DST: variants seen among roughly 807,000 people sequenced by gnomAD.
The protein encoded by DST is dystonin, also known as bullous pemphigoid antigen.
DST carries 253 observed loss-of-function variants against 875.2 expected under a neutral mutation model. The observed-to-expected ratio is 0.29, with a 90% CI of 0.26 to 0.32. The LOEUF is 0.32. Among genes scored for constraint, DST ranks in the 10% least tolerant of loss-of-function variants. The pLI is 1.00. For missense variants in DST, 8,287 were observed against 9,111.6 expected, an observed-to-expected ratio of 0.91 and a Z score of 3.68; for synonymous variants, 3,124 against 3,197.1, an observed-to-expected ratio of 0.98 and a Z score of 0.77.
At chr6:56,550,673 G>T (rs1445822099) in intron 61 of DST, among the ~76,000 whole-genome samples, 1 of 152,112 alleles carries the variant, frequency 6.6e-6, no homozygotes, top group Non-Finnish European at 1.5e-5. Context: ...AGAAATGAAG[G>T]TCTTTTTTCT....
chr6:56,503,918 T>C, intron 78 of DST, 79 bp downstream of exon 78: 2 of 980,188 alleles, frequency 2.0e-6, no homozygotes, highest in Non-Finnish European at 1.5e-6. Flanking sequence ...TTAGGTAAAA[T>C]AAATTTATGT....
chr6:56,749,533 T>G (rs1433080337), intron 4 of DST, among the ~76,000 whole-genome samples: 2 of 152,158 alleles, frequency 1.3e-5, no homozygotes, highest in Non-Finnish European at 2.9e-5. Flanking sequence ...ATACACGGCC[T>G]AATATTCATA....
chr6:56,862,205 C>T (rs1031811961), intron 3 of DST, among the ~76,000 whole-genome samples: 2 of 152,172 alleles, frequency 1.3e-5, no homozygotes, highest in Admixed American at 1.3e-4. Context: ...CACACATACA[C>T]AGAGCCCACC....
chr6:56,927,509 A>G (rs1226873427), intron 2 of DST, among the ~76,000 whole-genome samples: 1 of 152,172 alleles, frequency 6.6e-6, no homozygotes, highest in Non-Finnish European at 1.5e-5. Context: ...TCCTAATTAC[A>G]ATATCAGCAA....
intron 10 of DST, among the ~76,000 whole-genome samples, chr6:56,658,804 G>T (rs1457868627): frequency 6.6e-6 from 1 of 152,174 alleles, no homozygotes. Flanking sequence ...AGCTCCAAAG[G>T]GAGCTCAGGA....
intron 4 of DST, among the ~76,000 whole-genome samples, chr6:56,759,268 T>C (rs2099611703): frequency 6.6e-6 from 1 of 152,038 alleles, no homozygotes; most frequent in African/African-American, 2.4e-5. Flanking sequence ...GCCAACATGG[T>C]GAAACCCTGT....
At chr6:56,874,871 T>C (rs192275863) in intron 3 of DST, among the ~76,000 whole-genome samples, 2 of 152,330 alleles carry the variant, frequency 1.3e-5, no homozygotes, top group East Asian at 3.9e-4. Context: ...AACAAGGTCA[T>C]ATTAAAGGCC....
At chr6:56,687,925 G>T (rs2099199546) in intron 9 of DST, among the ~76,000 whole-genome samples, 1 of 152,150 alleles carries the variant, frequency 6.6e-6, no homozygotes, top group Non-Finnish European at 1.5e-5. Context: ...TTAAAAAGCT[G>T]ATAAAGTCCA....
rs755962454 is a variant in DST, at chr6:56,900,613, T to C, written c.225A>G (p.Arg75=). 7.3e-7 allele frequency: 1 copy of C among 1,367,522 alleles called. No homozygotes were observed. The highest frequency in any genetic ancestry group is 1.1e-5 in the South Asian group (1 of 88,040). 84.7% of individuals were successfully genotyped at this position (1,367,522 alleles called of 1,614,324 possible). ...RSHHFRSEGF[R]ASPRHLRRRV... is the part of the protein sequence containing the mutation. ...GTCTTCTAAGATGCCGAGGGCTTGC[T>C]CTGAATCCCTGTGGCAGAAAACACA... The change falls in exon 3 of 104, where the codon AGA becomes AGG. Residue 75 remains arginine, a synonymous_variant. Transcript: ENST00000680361.
chr6:56,531,005 A>G (rs2096887545), intron 64 of DST, among the ~76,000 whole-genome samples: 1 of 152,216 alleles, frequency 6.6e-6, no homozygotes, highest in African/African-American at 2.4e-5. Context: ...AGGGAATTAC[A>G]GAAAATTGGC....
Position 56,607,305 on chromosome 6 carries a change from A to G in DST, c.7323T>C (p.His2441=). The G allele has an allele frequency of 1.2e-6, 2 of 1,613,516 alleles. No homozygotes were observed. Among genetic ancestry groups the G allele is most frequent in the South Asian group, 1.1e-5 (1 of 91,070 alleles). The change falls in exon 40 of 104, where the codon CAT becomes CAC. Residue 2441 remains histidine, a synonymous_variant. Coordinates refer to ENST00000680361, the MANE Select transcript of DST (RefSeq NM_001374736.1). ...TTCCCTGACTGTGCATCAATTTATC[A>G]TGACTTAACAAGGCACTTAGCCTGG... ...YSPRLSALLS[H]DKLMHSQGSF...
rs551314837 is a variant in DST at position 56,534,784 on chromosome 6, G to A, written c.16941+338C>T. Among the ~76,000 whole-genome samples the A allele has an allele frequency of 5.9e-5, 9 of 151,926 alleles. No homozygotes were observed. In the East Asian group the frequency reaches 7.8e-4, roughly 13 times the overall value. On this transcript the variant is annotated intron_variant, in intron 63 of 103. Transcript: ENST00000680361. ...CTATTGCTTCCTGATGCCTCTCCCC[G>A]ATCCCTGCTTTATTCATCACTTGCT...
In DST at chr6:56,561,309, T is replaced by C; in HGVS notation, c.14309A>G (p.Lys4770Arg). 6.2e-7 allele frequency: 1 copy of C among 1,611,044 alleles called. No individual in the cohort carries two copies. Among genetic ancestry groups the C allele is most frequent in the South Asian group, 1.1e-5 (1 of 90,822 alleles). Residue 4770 changes from lysine (K) to arginine (R), a missense_variant and splice_region_variant, in exon 57 of 104, where the codon AAG becomes AGG. Lys to Arg is a conservative substitution (Grantham distance 26, BLOSUM62 2). Coordinates refer to ENST00000680361, the MANE Select transcript of DST (RefSeq NM_001374736.1). ...CATAGGTGCACCCACAGAATATACCTTATTCTGCTCAACTTGAGTCTTCAC... is the reference window on the plus strand; with the variant it reads ...CATAGGTGCACCCACAGAATATACCCTATTCTGCTCAACTTGAGTCTTCAC... ...EAVKTQVEQN[K>R]SFEAELKQNV...
chr6:56,703,786 A>T, intron 6 of DST, 40 bp from the exon 7 acceptor site: 1 of 736,666 alleles, frequency 1.4e-6, no homozygotes, highest in Non-Finnish European at 1.7e-6. Flanking sequence ...CAGCAAAGAC[A>T]CAAGACAGAC....
chr6:56,817,192 C>G lies in DST; in HGVS notation c.625+34205G>C, dbSNP rs564827229. 3.3e-5 allele frequency among the ~76,000 whole-genome samples: 5 copies of G among 152,194 alleles called. No individual in the cohort carries two copies. In the South Asian group the frequency reaches 1.0e-3, roughly 32 times the overall value. On this transcript the variant is annotated intron_variant, in intron 4 of 103. Transcript: ENST00000680361. Reference sequence around the variant, plus strand: ...ATAAAAAAACTAACAAGGACTACTACTTTTCACTCTGGCATCTCCCTTTCT... The same window carrying G: ...ATAAAAAAACTAACAAGGACTACTAGTTTTCACTCTGGCATCTCCCTTTCT...
intron 4 of DST, among the ~76,000 whole-genome samples, chr6:56,747,710 A>G (rs991154524): frequency 1.3e-5 from 2 of 152,186 alleles, no homozygotes; most frequent in African/African-American, 4.8e-5. Flanking sequence ...TCAGAGCTCT[A>G]GATAAGAATA....
intron 4 of DST, among the ~76,000 whole-genome samples, chr6:56,804,291 T>C (rs2099750670): frequency 6.6e-6 from 1 of 152,108 alleles, no homozygotes; most frequent in South Asian, 2.1e-4. Context: ...AACCAGGTTA[T>C]TGCAATGCCT....
At chr6:56,708,366 T>C (rs1048195145) in intron 5 of DST, among the ~76,000 whole-genome samples, 2 of 152,130 alleles carry the variant, frequency 1.3e-5, no homozygotes, top group African/African-American at 2.4e-5. Flanking sequence ...TTAAGACTTA[T>C]GGCTTAATTT....
chr6:56,574,814 C>T (rs73746919), intron 50 of DST, among the ~76,000 whole-genome samples: 205 of 151,942 alleles, frequency 1.3e-3, no homozygotes, highest in African/African-American at 3.4e-3. Flanking sequence ...ACTTATTGTC[C>T]GAGAATTTGA....
Sources: gnomAD v4.1 joint callset for allele counts (sites outside exome capture counted in the v4.1 genomes callset) on GRCh38, gnomAD v4.1.1 for gene constraint, MANE v1.5 for transcripts, NCBI Gene and HGNC (gene_info 2026-07-23, HGNC 2026-07-21) for gene names.